The following TRIM69 variants were observed in gnomAD, a reference collection of about 807,000 sequenced individuals.
The protein encoded by TRIM69 is E3 ubiquitin-protein ligase TRIM69.
Under a neutral mutation model 37.7 loss-of-function variants are expected in TRIM69, and 29 were observed. That is an observed-to-expected ratio of 0.77 (90% CI 0.57 to 1.05). TRIM69 has a LOEUF of 1.05. Ranked by LOEUF, TRIM69 falls within the 50% of genes least tolerant of loss-of-function variation. TRIM69 has a pLI of 0.00. For missense variants in TRIM69, 596 were observed against 579.9 expected (o/e 1.03, Z -0.28); for synonymous variants, 209 against 212.4 (o/e 0.98, Z 0.14).
rs869059418 is a variant in TRIM69, at chr15:44,750,715, CTTTTT to C, written c.7-4162_7-4158del. Among the ~76,000 whole-genome samples the C allele has an allele frequency of 9.0e-3, 923 of 102,814 alleles. 214 individuals carry two copies. The highest frequency in any genetic ancestry group is 0.013 in the Non-Finnish European group (693 of 54,312). The allele number at this position is 102,814 out of a possible 152,430, so 67.4% of individuals were successfully genotyped here. On this transcript the variant is annotated intron_variant, in intron 1 of 6. Transcript: ENST00000329464. ...TCGCATTTTTATTTCATTACTTTTTCTTTTTTTTTTTTTTTTTTTTTTTTTTTGAG... is the reference window on the plus strand; with the variant it reads ...TCGCATTTTTATTTCATTACTTTTTCTTTTTTTTTTTTTTTTTTTTTTGAG...
At chr15:44,742,139 C>G (rs1200702797) in intron 1 of TRIM69, among the ~76,000 whole-genome samples, 2 of 148,942 alleles carry the variant, frequency 1.3e-5, no homozygotes, top group Admixed American at 1.3e-4. Flanking sequence ...GGGCTTCATC[C>G]CTGGGATGCA....
intron 1 of TRIM69, chr15:44,754,032 C>CT (rs2087590501): frequency 6.6e-6 from 1 of 151,714 alleles, no homozygotes; most frequent in African/African-American, 2.4e-5. Flanking sequence ...AACATTCTTT[C>CT]TGCATTTTTC....
At chr15:44,760,986 C>G (rs981459977) in intron 6 of TRIM69, among the ~76,000 whole-genome samples, 1 of 151,416 alleles carries the variant, frequency 6.6e-6, no homozygotes, top group Non-Finnish European at 1.5e-5. Context: ...GGTGCCATCT[C>G]TGCTCACTGC....
At chr15:44,764,977 A>T (rs1010602723) in intron 6 of TRIM69, among the ~76,000 whole-genome samples, 14 of 152,356 alleles carry the variant, frequency 9.2e-5, no homozygotes, top group Admixed American at 9.1e-4. Context: ...TCTGGATTTT[A>T]TCTCAGATGT....
intron 1 of TRIM69, among the ~76,000 whole-genome samples, 154 bp downstream of exon 1, chr15:44,736,864 C>T (rs1450979038): frequency 1.3e-5 from 2 of 152,092 alleles, no homozygotes; most frequent in Non-Finnish European, 2.9e-5. Context: ...ATACTCTCTC[C>T]AAGCCTTGGA....
intron 1 of TRIM69, among the ~76,000 whole-genome samples, chr15:44,743,468 T>C (rs1420451760): frequency 2.0e-5 from 3 of 152,044 alleles, no homozygotes; most frequent in Non-Finnish European, 4.4e-5. Context: ...ACAAATGCGA[T>C]CTAATTAAAC....
chr15:44,759,552 A>G (rs2087728341), intron 4 of TRIM69, 88 bp from the exon 5 acceptor site: 1 of 1,412,502 alleles, frequency 7.1e-7, no homozygotes, highest in African/African-American at 1.4e-5. Flanking sequence ...GACCATCTGC[A>G]CAAATTCTGG....
At position 44,767,457 on chromosome 15, in the gene TRIM69, A is replaced by G. The variant is rs1488227895; in HGVS notation, c.1188A>G (p.Arg396=). ...CAAAATGGACAGTTGGAGTTGTCAG[A>G]GAATCCATCATTCGGAAGGGCAGCT... ...KKTKWTVGVV[R]ESIIRKGSCP... Residue 396 remains arginine (R), a synonymous_variant, in exon 7 of 7, where the codon AGA becomes AGG. Coordinates refer to ENST00000329464, the MANE Select transcript of TRIM69 (RefSeq NM_182985.5). 7 of 1,614,096 alleles carry G rather than the reference A, an allele frequency of 4.3e-6. No individual in the cohort carries two copies. The highest frequency in any genetic ancestry group is 1.3e-5 in the African/African-American group (1 of 74,918).
At chr15:44,756,299 G>T in intron 2 of TRIM69, 69 bp from the exon 3 acceptor site, 1 of 1,113,168 alleles carries the variant, frequency 9.0e-7, no homozygotes, top group Non-Finnish European at 1.3e-6. Flanking sequence ...CTGGGGCCTT[G>T]GGGAAGATGT....
At chr15:44,759,915 T>G in intron 6 of TRIM69, 43 bp downstream of exon 6, 1 of 1,587,456 alleles carries the variant, frequency 6.3e-7, no homozygotes, top group Non-Finnish European at 8.6e-7. Context: ...GCTCCTAATC[T>G]ACGTTTAATC....
chr15:44,738,524 A>G (rs1485105659), intron 1 of TRIM69, among the ~76,000 whole-genome samples: 1 of 152,220 alleles, frequency 6.6e-6, no homozygotes, highest in African/African-American at 2.4e-5. Context: ...AAAGATTTCC[A>G]GGTCCAGAAA....
chr15:44,767,654 T>C lies in TRIM69; in HGVS notation c.1385T>C (p.Met462Thr). Residue 462 changes from methionine (M) to threonine (T), a missense_variant, in exon 7 of 7, where the codon ATG (methionine) becomes ACG (threonine). Transcript: ENST00000329464. ...TTGTCCTTCTACAATGCTAAAACCA[T>C]GACTCACATTTACACCTTCAGTAAC... ...GQLSFYNAKTMTHIYTFSNTF... is the reference protein window; with the variant it reads ...GQLSFYNAKTTTHIYTFSNTF... The C allele has an allele frequency of 6.2e-7, 1 of 1,614,208 alleles. No individual in the cohort carries two copies. Among genetic ancestry groups the C allele is most frequent in the Non-Finnish European group, 8.5e-7 (1 of 1,180,026 alleles).
rs937866659 is a variant in TRIM69 at position 44,760,066 on chromosome 15, T to C, written c.961+194T>C. On this transcript the variant is annotated intron_variant, in intron 6 of 6. Coordinates refer to ENST00000329464, the MANE Select transcript of TRIM69 (RefSeq NM_182985.5). ...CTAAGAATTTATGACTTTGTGCTGGTAAATAGATATGAGTTTGATATCAGG... is the reference window on the plus strand; with the variant it reads ...CTAAGAATTTATGACTTTGTGCTGGCAAATAGATATGAGTTTGATATCAGG... Among the ~76,000 whole-genome samples, 5 of 152,220 alleles carry C rather than the reference T, an allele frequency of 3.3e-5. No homozygotes were observed. The South Asian group carries it at 8.3e-4, about 25-fold the overall frequency.
chr15:44,759,604 C>A, intron 4 of TRIM69, 36 bp from the exon 5 acceptor site: 1 of 1,607,572 alleles, frequency 6.2e-7, no homozygotes, highest in Non-Finnish European at 8.5e-7. Flanking sequence ...AGTTGATGAA[C>A]GGGCATCTGA....
At position 44,738,050 on chromosome 15, in the gene TRIM69, C is replaced by CTTTTTTTTTTTTTTT. The variant is rs772041054; in HGVS notation, c.6+1343_6+1344insTTTTTTTTTTTTTTT. Among the ~76,000 whole-genome samples the CTTTTTTTTTTTTTTT allele has an allele frequency of 1.6e-4, 19 of 117,994 alleles. 1 individual carries two copies. Among genetic ancestry groups the CTTTTTTTTTTTTTTT allele is most frequent in the African/African-American group, 6.3e-4 (19 of 30,102 alleles). 77.4% of individuals were successfully genotyped at this position (117,994 alleles called of 152,430 possible). A position where few individuals can be genotyped will look rare whatever the true frequency, so the allele number is the denominator to read the frequency against. ...AAGGAGGAAGATACATACTTTCTTT[C>CTTTTTTTTTTTTTTT]TTTCTTTTTTTTTTTTTTTTTTTTT... On this transcript the variant is annotated intron_variant, in intron 1 of 6. Transcript: ENST00000329464.
intron 2 of TRIM69, 137 bp from the exon 3 acceptor site, chr15:44,756,231 C>G: frequency 1.7e-6 from 1 of 603,180 alleles, no homozygotes; most frequent in South Asian, 2.0e-5. Context: ...GAGACAAGAA[C>G]TATGATACAG....
Position 44,755,249 on chromosome 15 carries a change from G to A in TRIM69, c.356G>A (p.Gly119Glu), listed in dbSNP as rs770672217. The A allele has an allele frequency of 1.1e-5, 17 of 1,614,042 alleles. No homozygotes were observed. The highest frequency in any genetic ancestry group is 1.4e-5 in the Non-Finnish European group (17 of 1,180,026). The stretch of plus-strand genomic sequence containing the variant: ...GGCCATCCACAGTGCCCAGAGCATG[G>A]AGAGAACCTGAAACTGTTCAGTAAA... ...LKGHPQCPEH[G>E]ENLKLFSKPD... is the part of the protein sequence containing the mutation. The change falls in exon 2 of 7, where the codon GGA becomes GAA. Residue 119 changes from glycine to glutamate, a missense_variant. By Grantham distance (98) the Gly-to-Glu change is moderately conservative. Transcript: ENST00000329464.
intron 6 of TRIM69, among the ~76,000 whole-genome samples, chr15:44,766,786 G>A (rs919153708): frequency 3.9e-5 from 6 of 151,932 alleles, no homozygotes; most frequent in Non-Finnish European, 8.8e-5. Context: ...GCCAGGTGCG[G>A]TGGCTCATGC....
At chr15:44,748,490 T>C (rs565713224) in intron 1 of TRIM69, among the ~76,000 whole-genome samples, 1 of 152,212 alleles carries the variant, frequency 6.6e-6, no homozygotes, top group Non-Finnish European at 1.5e-5. Flanking sequence ...TGGAAGGCAT[T>C]ATATAGCATT....
Sources: gnomAD v4.1 joint callset for allele counts (sites outside exome capture counted in the v4.1 genomes callset) on GRCh38, gnomAD v4.1.1 for gene constraint, MANE v1.5 for transcripts, NCBI Gene and HGNC (gene_info 2026-07-23, HGNC 2026-07-21) for gene names.